The following STX17 variants were observed in gnomAD, a reference collection of about 807,000 sequenced individuals.
STX17 encodes the protein syntaxin-17.
Under a neutral mutation model 35.9 loss-of-function variants are expected in STX17, and 29 were observed. That is an observed-to-expected ratio of 0.81 (90% CI 0.60 to 1.10). The LOEUF (loss-of-function observed/expected upper bound fraction) is 1.10. STX17 is among the 50% of genes least tolerant of loss of function. STX17 has a pLI of 0.00. For missense variants in STX17, 312 were observed against 352.3 expected (o/e 0.89, Z 0.92); for synonymous variants, 92 against 118.3 (o/e 0.78, Z 1.44).
chr9:99,907,337 G>C (rs12352899), intron 1 of STX17: 64,565 of 152,024 alleles, frequency 0.42, 14,855 homozygotes, highest in East Asian at 0.7. Context: ...GCGGCGGGCC[G>C]GAAGAAATCG....
chr9:99,938,948 A>G (rs1049407605), intron 3 of STX17, among the ~76,000 whole-genome samples: 35 of 152,186 alleles, frequency 2.3e-4, no homozygotes, highest in South Asian at 2.1e-4. Flanking sequence ...ATTCTGATTC[A>G]GTAGATCTCA....
rs200772722 is a variant in STX17, at chr9:99,935,351, A to G, written c.189+6508A>G. 3.9e-5 allele frequency among the ~76,000 whole-genome samples: 6 copies of G among 151,992 alleles called. No homozygotes were observed. In the East Asian group the frequency reaches 9.6e-4, roughly 24 times the overall value. On this transcript the variant is annotated intron_variant, in intron 3 of 7. Transcript: ENST00000259400. ...TCTCAAAAAAAAAAAAAAAAAAAGA[A>G]AAAGTGTAGCTATAGTTTACAGTTT... is the stretch of plus-strand genomic sequence containing the variant.
At chr9:99,915,435 A>G in intron 2 of STX17, 73 bp downstream of exon 2, 1 of 1,494,726 alleles carries the variant, frequency 6.7e-7, no homozygotes, top group South Asian at 1.4e-5. Flanking sequence ...ATTTCAGCTA[A>G]ATTTAGAATA....
rs143687938 is a variant in STX17, at chr9:99,972,155, A to G, written c.*3482A>G. Among the ~76,000 whole-genome samples, 69 of 152,310 alleles carry G rather than the reference A, an allele frequency of 4.5e-4. No individual in the cohort carries two copies. The highest frequency in any genetic ancestry group is 1.6e-3 in the African/African-American group (65 of 41,570). On this transcript the variant is annotated 3_prime_UTR_variant, in exon 8 of 8. Transcript: ENST00000259400. ...CTGATGCAGACATAAACAGTGCTCA[A>G]TTTGGCCCTTAAACTATAAAATCAA...
At chr9:99,960,759 A>G (rs1829813562) in intron 6 of STX17, among the ~76,000 whole-genome samples, 1 of 152,164 alleles carries the variant, frequency 6.6e-6, no homozygotes, top group Non-Finnish European at 1.5e-5. Context: ...AGCATTCTAC[A>G]GTGAGTGGAG....
intron 1 of STX17, among the ~76,000 whole-genome samples, chr9:99,908,321 A>G (rs1048947907): frequency 6.6e-6 from 1 of 152,176 alleles, no homozygotes; most frequent in African/African-American, 2.4e-5. Flanking sequence ...TAAATTTCAC[A>G]TCCATTGGTG....
At chr9:99,909,627 A>G (rs1399334242) in intron 1 of STX17, among the ~76,000 whole-genome samples, 1 of 152,230 alleles carries the variant, frequency 6.6e-6, no homozygotes, top group Admixed American at 6.5e-5. Flanking sequence ...AAACAGATGC[A>G]TATGACATGA....
At chr9:99,966,553 C>A (rs998133715) in intron 6 of STX17, among the ~76,000 whole-genome samples, 1 of 151,720 alleles carries the variant, frequency 6.6e-6, no homozygotes, top group Non-Finnish European at 1.5e-5. Context: ...ATTATTTCAC[C>A]CTCATTGCAG....
At chr9:99,937,618 G>A (rs771770427) in intron 3 of STX17, among the ~76,000 whole-genome samples, 3 of 151,946 alleles carry the variant, frequency 2.0e-5, no homozygotes, top group Non-Finnish European at 4.4e-5. Context: ...TATATCTTCT[G>A]TGTCTCTAAT....
At chr9:99,953,046 A>G (rs753155602) in intron 4 of STX17, among the ~76,000 whole-genome samples, 1 of 152,060 alleles carries the variant, frequency 6.6e-6, no homozygotes, top group Non-Finnish European at 1.5e-5. Context: ...AATAAAAATA[A>G]GAATAAAAAT....
intron 4 of STX17, among the ~76,000 whole-genome samples, chr9:99,956,055 G>A (rs1019515860): frequency 1.3e-5 from 2 of 152,134 alleles, no homozygotes; most frequent in African/African-American, 4.8e-5. Flanking sequence ...TTAATTGATA[G>A]TCATGACTTG....
At chr9:99,965,904 T>C (rs1379514032) in intron 6 of STX17, among the ~76,000 whole-genome samples, 1 of 152,210 alleles carries the variant, frequency 6.6e-6, no homozygotes, top group South Asian at 2.1e-4. Context: ...AAGGTATAAG[T>C]ATCACTATTC....
chr9:99,968,791 A>G lies in STX17; in HGVS notation c.*118A>G, dbSNP rs1444164013. 6.9e-7 allele frequency: 1 copy of G among 1,455,960 alleles called. No homozygotes were observed. Among genetic ancestry groups the G allele is most frequent in the Non-Finnish European group, 9.3e-7 (1 of 1,078,724 alleles). 90.2% of individuals were successfully genotyped at this position (1,455,960 alleles called of 1,614,324 possible). ...ATCAAGATAGTGGCTACTGATGTTC[A>G]AGTGGGATTGAAGTGTGATAAATGG... On this transcript the variant is annotated 3_prime_UTR_variant, in exon 8 of 8. Coordinates refer to ENST00000259400, the MANE Select transcript of STX17 (RefSeq NM_017919.3).
At chr9:99,953,161 T>C (rs1328937869) in intron 4 of STX17, among the ~76,000 whole-genome samples, 1 of 152,088 alleles carries the variant, frequency 6.6e-6, no homozygotes, top group Non-Finnish European at 1.5e-5. Context: ...TTTTATATTT[T>C]CAGTGCTAAT....
At chr9:99,940,407 C>T (rs139108151) in intron 3 of STX17, among the ~76,000 whole-genome samples, 71 of 151,114 alleles carry the variant, frequency 4.7e-4, no homozygotes, top group African/African-American at 1.6e-3. Context: ...GCTGGGAGTA[C>T]AGGTGTGAGG....
chr9:99,909,420 A>G (rs1470687621), intron 1 of STX17, among the ~76,000 whole-genome samples: 1 of 152,244 alleles, frequency 6.6e-6, no homozygotes, highest in Non-Finnish European at 1.5e-5. Flanking sequence ...GGCAGCATCT[A>G]TTGAACAACA....
intron 7 of STX17, 95 bp from the exon 8 acceptor site, chr9:99,968,339 G>C (rs1829958243): frequency 7.0e-7 from 1 of 1,437,490 alleles, no homozygotes; most frequent in East Asian, 2.3e-5. Flanking sequence ...AAGAGTTAAA[G>C]AGGCATTGCC....
chr9:99,957,300 CAT>C (rs774379318), intron 4 of STX17, among the ~76,000 whole-genome samples: 28 of 152,330 alleles, frequency 1.8e-4, no homozygotes, highest in Non-Finnish European at 3.8e-4. Context: ...TCGGAAGTCT[CAT>C]AAAATACTTA....
At chr9:99,928,395 G>T (rs928446980) in intron 2 of STX17, among the ~76,000 whole-genome samples, 1 of 151,558 alleles carries the variant, frequency 6.6e-6, no homozygotes, top group Non-Finnish European at 1.5e-5. Flanking sequence ...CATGACAAAC[G>T]TACAATTCTT....
Sources: gnomAD v4.1 joint callset for allele counts (sites outside exome capture counted in the v4.1 genomes callset) on GRCh38, gnomAD v4.1.1 for gene constraint, MANE v1.5 for transcripts, NCBI Gene and HGNC (gene_info 2026-07-23, HGNC 2026-07-21) for gene names.